STON1: variants seen among roughly 807,000 people sequenced by gnomAD.
STON1 encodes the protein stonin-1.
STON1 carries 79 observed loss-of-function variants against 60.9 expected under a neutral mutation model. The observed-to-expected ratio is 1.30, with a 90% CI of 1.08 to 1.56. STON1 has a LOEUF of 1.56. Ranked by LOEUF, STON1 falls within the 40% of genes most tolerant of loss-of-function variation. The probability of loss-of-function intolerance (pLI) is 0.00; values close to 1 mark genes in which losing one functional copy is unlikely to be tolerated. For synonymous variants in STON1, 363 were observed against 306.9 expected (o/e 1.18, Z -1.91); for missense variants, 1,166 against 858.9 (o/e 1.36, Z -4.47).
chr2:48,530,873 A>G (rs1342323013), intron 1 of STON1: 6 of 152,274 alleles, frequency 3.9e-5, no homozygotes, highest in Non-Finnish European at 5.9e-5. Flanking sequence ...CCTTGGACCC[A>G]CAAACTGAAC....
intron 1 of STON1, among the ~76,000 whole-genome samples, chr2:48,542,241 G>C (rs1347339769): frequency 6.6e-6 from 1 of 152,192 alleles, no homozygotes; most frequent in Non-Finnish European, 1.5e-5. Flanking sequence ...TCTACACAAA[G>C]ATATTTTCCC....
chr2:48,551,917 C>T (rs544977453), intron 1 of STON1, among the ~76,000 whole-genome samples: 3 of 152,346 alleles, frequency 2.0e-5, no homozygotes, highest in South Asian at 2.1e-4. Flanking sequence ...AGCTCCAACC[C>T]GGATTCCTGG....
chr2:48,533,211 G>A (rs563266667), intron 1 of STON1, among the ~76,000 whole-genome samples: 1 of 152,008 alleles, frequency 6.6e-6, no homozygotes, highest in Non-Finnish European at 1.5e-5. Flanking sequence ...GTGAAACCCC[G>A]TCTCTACTAA....
chr2:48,574,243 G>A lies in STON1; in HGVS notation c.-47-6344G>A, dbSNP rs148706228. Among the ~76,000 whole-genome samples, 732 of 152,182 alleles carry A rather than the reference G, an allele frequency of 4.8e-3. 7 individuals carry two copies. The highest frequency in any genetic ancestry group is 0.016 in the African/African-American group (682 of 41,514). Reference sequence around the variant, plus strand: ...GTACAAAAATTAGCCGGGTGTGGTGGCGTGCACCTGTAATCCCAGCTACTT... The same window carrying A: ...GTACAAAAATTAGCCGGGTGTGGTGACGTGCACCTGTAATCCCAGCTACTT... On this transcript the variant is annotated intron_variant, in intron 1 of 3. Transcript: ENST00000404752.
chr2:48,542,583 A>G (rs1460629503), intron 1 of STON1, among the ~76,000 whole-genome samples: 1 of 152,152 alleles, frequency 6.6e-6, no homozygotes, highest in Non-Finnish European at 1.5e-5. Context: ...TCCTATTCTT[A>G]TTCTTTCAAA....
rs1042701206 is a variant in STON1 at position 48,597,062 on chromosome 2, G to A, written c.*1760G>A. ...CAGACGGAGTTTCCCCATGTTGGCC[G>A]GGCTAGTCTCGAACTCCTGACCTCA... On this transcript the variant is annotated 3_prime_UTR_variant, in exon 4 of 4. Transcript: ENST00000404752. 14 of 152,016 alleles carry A rather than the reference G, an allele frequency of 9.2e-5. No individual in the cohort carries two copies. Among genetic ancestry groups the A allele is most frequent in the Admixed American group, 7.9e-4 (12 of 15,240 alleles). 9.4% of individuals were successfully genotyped at this position (152,016 alleles called of 1,614,324 possible). A position where few individuals can be genotyped will look rare whatever the true frequency, so the allele number is the denominator to read the frequency against.
rs1674525405 is a variant in STON1 at position 48,591,705 on chromosome 2, A to G, written c.1983A>G (p.Gln661=). The part of the protein sequence containing the change: ...LSYKLELGSD[Q]EIPSDWYPFA... ...ACAAATTAGAGCTTGGATCAGACCA[A>G]GAAATTCCCTCTGATTGGTATCCAT... The change falls in exon 3 of 4, where the codon CAA becomes CAG. Residue 661 remains glutamine, a synonymous_variant. Transcript: ENST00000404752. The G allele has an allele frequency of 6.2e-7, 1 of 1,614,190 alleles. No individual in the cohort carries two copies. Among genetic ancestry groups the G allele is most frequent in the East Asian group, 2.2e-5 (1 of 44,888 alleles).
At chr2:48,530,432 C>T (rs1420709577) in intron 1 of STON1, 2 of 218,110 alleles carry the variant, frequency 9.2e-6, no homozygotes, top group African/African-American at 2.4e-5. Context: ...AGGGACTCCT[C>T]GGCTCCCCTC....
At chr2:48,574,932 C>T (rs902806862) in intron 1 of STON1, among the ~76,000 whole-genome samples, 4 of 152,184 alleles carry the variant, frequency 2.6e-5, no homozygotes, top group Admixed American at 6.6e-5. Context: ...GTGTTATGAA[C>T]GATATGCACA....
In STON1 at chr2:48,581,162, C is replaced by T. The variant is rs776509523; in HGVS notation, c.529C>T (p.Arg177Ter). 1.3e-6 allele frequency: 2 copies of T among 1,554,710 alleles called. No homozygotes were observed. Among genetic ancestry groups the T allele is most frequent in the Admixed American group, 2.1e-5 (1 of 47,966 alleles). ...SDDLPQFQYF[R>*]EDCAFSSPFW... ...TGATCTCCCCCAGTTTCAGTATTTT[C>T]GAGAGGACTGTGCTTTTTCAAGTCC... The change falls in exon 2 of 4, where the codon CGA becomes TGA. Residue 177 changes from arginine (R) to a stop codon, truncating the protein, a stop_gained. Transcript: ENST00000404752. LOFTEE classifies it high-confidence loss of function.
rs141570852 is a variant in STON1 at position 48,588,551 on chromosome 2, G to A, written c.1931-3102G>A. ...TTTTTGGTAGAGATGAGGTTTTGCCGTGTTGCTCAGGCTGGTCTCGAACTT... is the reference window on the plus strand; with the variant it reads ...TTTTTGGTAGAGATGAGGTTTTGCCATGTTGCTCAGGCTGGTCTCGAACTT... On this transcript the variant is annotated intron_variant, in intron 2 of 3. Transcript: ENST00000404752. Among the ~76,000 whole-genome samples, 493 of 152,094 alleles carry A rather than the reference G, an allele frequency of 3.2e-3. 1 individual carries two copies. Among genetic ancestry groups the A allele is most frequent in the African/African-American group, 0.011 (463 of 41,480 alleles).
intron 1 of STON1, among the ~76,000 whole-genome samples, chr2:48,546,778 C>G (rs981903265): frequency 2.0e-5 from 3 of 152,148 alleles, no homozygotes; most frequent in Admixed American, 6.5e-5. Flanking sequence ...GTTGCCCAGT[C>G]TGGTCTCAAA....
At chr2:48,590,874 A>G (rs1464062372) in intron 2 of STON1, among the ~76,000 whole-genome samples, 2 of 152,226 alleles carry the variant, frequency 1.3e-5, no homozygotes, top group Non-Finnish European at 2.9e-5. Flanking sequence ...TACAGTAGGG[A>G]AAAATAATTT....
At position 48,582,526 on chromosome 2, in the gene STON1, G is replaced by T. The variant is rs1393743632; in HGVS notation, c.1893G>T (p.Val631=). The change falls in exon 2 of 4, where the codon GTG becomes GTT. Residue 631 remains valine, a synonymous_variant. Transcript: ENST00000404752. ...AATATGAGAGTGCCTACCAGGCAGT[G>T]GTATGGAAGATAGATCGGCTTCCAG... ...SAKYESAYQA[V]VWKIDRLPDK... 1 of 1,613,746 alleles carries T rather than the reference G, an allele frequency of 6.2e-7. No homozygotes were observed.
Position 48,580,899 on chromosome 2 carries a change from C to T in STON1, c.266C>T (p.Pro89Leu), listed in dbSNP as rs543729177. 8 of 1,594,112 alleles carry T rather than the reference C, an allele frequency of 5.0e-6. No individual in the cohort carries two copies. The highest frequency in any genetic ancestry group is 6.8e-6 in the Non-Finnish European group (8 of 1,171,968). Reference sequence around the variant, plus strand: ...CTTTCTACACCTACCAAAGACTTCCCAGGTTTTCCTGGCATCCCCAAAGCA... The same window carrying T: ...CTTTCTACACCTACCAAAGACTTCCTAGGTTTTCCTGGCATCCCCAAAGCA... ...SPLSTPTKDF[P>L]GFPGIPKAGT... Residue 89 changes from proline to leucine, a missense_variant, in exon 2 of 4, where the codon CCA (proline) becomes CTA (leucine). Coordinates refer to ENST00000404752, the MANE Select transcript of STON1 (RefSeq NM_006873.4).
intron 1 of STON1, among the ~76,000 whole-genome samples, chr2:48,538,549 T>G (rs1321380270): frequency 1.3e-5 from 2 of 151,842 alleles, no homozygotes; most frequent in African/African-American, 4.9e-5. Flanking sequence ...TCTTTTTTGT[T>G]TTTTAATTTT....
At position 48,580,792 on chromosome 2, in the gene STON1, A is replaced by T; in HGVS notation, c.159A>T (p.Gly53=). ...NLPGLREFPS[G]SSSTSSTPLS... ...CTGGCCTCAGGGAATTTCCCAGTGG[A>T]TCTTCCTCCACCAGCAGCACTCCTC... Residue 53 remains glycine, a synonymous_variant, in exon 2 of 4, where the codon GGA becomes GGT. Transcript: ENST00000404752. 6.4e-7 allele frequency: 1 copy of T among 1,555,056 alleles called. No homozygotes were observed. Among genetic ancestry groups the T allele is most frequent in the Non-Finnish European group, 8.7e-7 (1 of 1,151,614 alleles).
chr2:48,578,380 C>G (rs1395826855), intron 1 of STON1, among the ~76,000 whole-genome samples: 2 of 152,304 alleles, frequency 1.3e-5, no homozygotes, highest in East Asian at 3.9e-4. Flanking sequence ...TTGAATGCTG[C>G]CTAACACAAA....
chr2:48,540,141 T>C (rs1179180529), intron 1 of STON1, among the ~76,000 whole-genome samples: 1 of 152,184 alleles, frequency 6.6e-6, no homozygotes, highest in Non-Finnish European at 1.5e-5. Flanking sequence ...TACCTGGAGA[T>C]TTCTACTTTA....
Sources: allele counts gnomAD v4.1 joint callset (sites outside exome capture counted in the v4.1 genomes callset), GRCh38; gene constraint gnomAD v4.1.1; transcripts MANE v1.5; gene names NCBI Gene and HGNC (gene_info 2026-07-23, HGNC 2026-07-21).